ARMC2: variants seen among roughly 807,000 people sequenced by gnomAD.
ARMC2 encodes the protein armadillo repeat-containing protein 2.
A neutral mutation model predicts 90.3 loss-of-function variants in ARMC2; 67 were observed. The ratio of observed to expected loss-of-function variants is 0.74; its 90% CI spans 0.61 to 0.91. The LOEUF is 0.91. ARMC2 is among the 40% of genes least tolerant of loss of function. ARMC2 has a pLI of 0.00. For synonymous variants in ARMC2, 393 were observed against 393.0 expected (o/e 1.00, Z 0.00); for missense variants, 920 against 1,030.9 (o/e 0.89, Z 1.47).
At position 108,907,477 on chromosome 6, in the gene ARMC2, T is replaced by TAA. The variant is rs1554248741; in HGVS notation, c.1023+3073_1023+3074insAA. ...TTCTTTCTTTTTTTTTTTTTTTTTT[T>TAA]ACCAGTCATCTTTTATTTGGAGGTT... is the stretch of plus-strand genomic sequence containing the variant. On this transcript the variant is annotated intron_variant, in intron 8 of 17. Transcript: ENST00000392644. 5 of 347,336 alleles carry TAA rather than the reference T, an allele frequency of 1.4e-5. 1 individual carries two copies. The highest frequency in any genetic ancestry group is 2.0e-5 in the Non-Finnish European group (4 of 203,790). 21.5% of individuals were successfully genotyped at this position (347,336 alleles called of 1,614,324 possible).
Position 108,909,599 on chromosome 6 carries a change from G to A in ARMC2, c.1024-1300G>A, listed in dbSNP as rs1207289722. 3.9e-5 allele frequency among the ~76,000 whole-genome samples: 6 copies of A among 151,978 alleles called. No individual in the cohort carries two copies. In the East Asian group the frequency reaches 5.8e-4, roughly 15 times the overall value. On this transcript the variant is annotated intron_variant, in intron 8 of 17. Transcript: ENST00000392644. The stretch of plus-strand genomic sequence containing the variant: ...CACCCAAGCTGGAGTGCAGTGGCGC[G>A]ATCTCGGCTCACTGCAACCTCCGCC...
chr6:108,857,487 A>G (rs1248924990), intron 2 of ARMC2, among the ~76,000 whole-genome samples: 1 of 152,124 alleles, frequency 6.6e-6, no homozygotes, highest in East Asian at 1.9e-4. Flanking sequence ...CCCAATCTGT[A>G]TGCTTTTAAT....
chr6:108,948,096 A>G (rs1776932821), intron 12 of ARMC2, among the ~76,000 whole-genome samples: 1 of 152,210 alleles, frequency 6.6e-6, no homozygotes, highest in Non-Finnish European at 1.5e-5. Flanking sequence ...TTTAATTTTT[A>G]CAAATCTTTA....
intron 12 of ARMC2, among the ~76,000 whole-genome samples, chr6:108,946,397 CT>C (rs1776814292): frequency 6.6e-6 from 1 of 152,206 alleles, no homozygotes; most frequent in Non-Finnish European, 1.5e-5. Flanking sequence ...ATTTCAGATT[CT>C]TCGATTTTAT....
At chr6:108,987,558 G>A in the ARMC2 span, 25 of 1,589,926 alleles carry the variant, frequency 1.6e-5, no homozygotes, top group African/African-American at 4.0e-5. Context: ...GTCATATAGC[G>A]GGTAATGGCT....
At chr6:108,879,852 T>C (rs983458829) in intron 5 of ARMC2, 33 of 454,824 alleles carry the variant, frequency 7.3e-5, no homozygotes, top group Middle Eastern at 6.7e-4. Flanking sequence ...GCAAGTATCT[T>C]AACACTTTCA....
chr6:108,985,923 T>C, the ARMC2 span, among the ~76,000 whole-genome samples: 1 of 152,188 alleles, frequency 6.6e-6, no homozygotes, highest in African/African-American at 2.4e-5. Context: ...AAGGTTATAG[T>C]CTTGTCTTCT....
chr6:108,955,539 C>T lies in ARMC2; in HGVS notation c.1915+2188C>T, dbSNP rs144056678. On this transcript the variant is annotated intron_variant, in intron 13 of 17. Coordinates refer to ENST00000392644, the MANE Select transcript of ARMC2 (RefSeq NM_032131.6). ...CAAAGTTAGCAAGTGGCAAAGTCAC[C>T]GGGCCCCTGACCTGTGCTTCCCCGC... Among the ~76,000 whole-genome samples the T allele has an allele frequency of 1.3e-3, 201 of 152,164 alleles. No individual in the cohort carries two copies. In the Middle Eastern group the frequency reaches 0.014, roughly 10 times the overall value.
chr6:108,905,925 C>T (rs1323164975), intron 8 of ARMC2, among the ~76,000 whole-genome samples: 3 of 152,188 alleles, frequency 2.0e-5, no homozygotes, highest in Admixed American at 1.3e-4. Flanking sequence ...CCTGGATCTC[C>T]TGTAACATTC....
At chr6:108,998,580 A>G in the ARMC2 span, 5 of 1,613,942 alleles carry the variant, frequency 3.1e-6, no homozygotes, top group Non-Finnish European at 4.2e-6. Context: ...AATGTCACAG[A>G]TGCAGTAGTT....
At chr6:109,047,140 G>A in the ARMC2 span, among the ~76,000 whole-genome samples, 279 of 30,314 alleles carry the variant, frequency 9.2e-3, 3 homozygotes, top group Middle Eastern at 0.042. Context: ...CCCTCTGCCC[G>A]GCCAGCCGCC....
chr6:108,893,378 A>C (rs1351286999), intron 5 of ARMC2, among the ~76,000 whole-genome samples: 1 of 152,232 alleles, frequency 6.6e-6, no homozygotes, highest in Non-Finnish European at 1.5e-5. Context: ...TTTGTAAATT[A>C]TGAGACCTAA....
At chr6:108,982,688 T>G in the ARMC2 span, among the ~76,000 whole-genome samples, 1 of 152,198 alleles carries the variant, frequency 6.6e-6, no homozygotes, top group Non-Finnish European at 1.5e-5. Flanking sequence ...AGGTAATGTG[T>G]CTTTGTAATA....
chr6:109,008,998 C>G, the ARMC2 span: 2 of 1,020,006 alleles, frequency 2.0e-6, no homozygotes, highest in South Asian at 9.2e-5. Context: ...ACCCTCAAGA[C>G]TCGAGGTCTG....
At chr6:108,927,965 A>G (rs1775236491) in intron 10 of ARMC2, 123 bp from the exon 11 acceptor site, 2 of 957,398 alleles carry the variant, frequency 2.1e-6, no homozygotes, top group Non-Finnish European at 2.9e-6. Flanking sequence ...TGGGAGATGC[A>G]TAGCGGGAGC....
At chr6:108,972,545 A>G (rs1778827666) in intron 17 of ARMC2, among the ~76,000 whole-genome samples, 1 of 152,226 alleles carries the variant, frequency 6.6e-6, no homozygotes, top group South Asian at 2.1e-4. Flanking sequence ...TTCTATGTAC[A>G]CATAAGGAAG....
At chr6:108,882,208 G>A (rs780756042) in intron 5 of ARMC2, among the ~76,000 whole-genome samples, 40 of 151,844 alleles carry the variant, frequency 2.6e-4, no homozygotes, top group Non-Finnish European at 5.0e-4. Flanking sequence ...AGGCCGAGGC[G>A]GGCAGATCAT....
chr6:108,881,164 T>C (rs1036932331), intron 5 of ARMC2, among the ~76,000 whole-genome samples: 3 of 151,986 alleles, frequency 2.0e-5, no homozygotes, highest in African/African-American at 4.8e-5. Context: ...TGCTTTCTTT[T>C]CTTTTTCTTT....
the ARMC2 span, among the ~76,000 whole-genome samples, chr6:109,047,892 G>A: frequency 6.8e-6 from 1 of 146,754 alleles, no homozygotes; most frequent in Admixed American, 6.7e-5. Flanking sequence ...GATGCTTGAA[G>A]GCAGCATGCT....
Sources: allele counts gnomAD v4.1 joint callset (sites outside exome capture counted in the v4.1 genomes callset), GRCh38; gene constraint gnomAD v4.1.1; transcripts MANE v1.5; gene names NCBI Gene and HGNC (gene_info 2026-07-23, HGNC 2026-07-21).